ODAD2: variants seen among roughly 807,000 people sequenced by gnomAD.
ODAD2 encodes the protein outer dynein arm docking complex subunit 2.
Under a neutral mutation model 106.8 loss-of-function variants are expected in ODAD2, and 89 were observed. The observed-to-expected ratio is 0.83, with a 90% CI of 0.70 to 0.99. The LOEUF is 0.99. ODAD2 is among the 50% of genes least tolerant of loss of function. ODAD2 has a pLI of 0.00. For missense variants in ODAD2, 1,168 were observed against 1,238.5 expected (o/e 0.94, Z 0.85); for synonymous variants, 404 against 436.2 (o/e 0.93, Z 0.92).
In ODAD2 at chr10:27,961,607, T is replaced by C. The variant is rs147497080; in HGVS notation, c.1347A>G (p.Ser449=). 4.2e-5 allele frequency: 67 copies of C among 1,612,708 alleles called. No individual in the cohort carries two copies. In the African/African-American group the frequency reaches 7.5e-4, roughly 18 times the overall value. The part of the protein sequence containing the change: ...HRQEASADLP[S]EYWQIQKLVK... ...CCAGCTTCTGAATTTGCCAATATTC[T>C]GATGGCAAATCTGCACTTGCTTCCT... Residue 449 remains serine (S), a synonymous_variant, in exon 10 of 20, where the codon TCA becomes TCG. Coordinates refer to ENST00000305242, the MANE Select transcript of ODAD2 (RefSeq NM_018076.5).
chr10:27,939,875 C>T, intron 14 of ODAD2, 22 bp downstream of exon 14: 4 of 1,495,934 alleles, frequency 2.7e-6, no homozygotes, highest in Non-Finnish European at 3.6e-6. Context: ...ACGCCAACAA[C>T]CGCTGGGAGA....
At chr10:27,925,536 TTTG>T (rs1407542157) in intron 16 of ODAD2, among the ~76,000 whole-genome samples, 7 of 152,124 alleles carry the variant, frequency 4.6e-5, no homozygotes, top group Non-Finnish European at 1.0e-4. Flanking sequence ...TTTTAAAGTT[TTTG>T]TAGAGACAGG....
intron 10 of ODAD2, among the ~76,000 whole-genome samples, chr10:27,954,469 T>C (rs1048692657): frequency 3.4e-5 from 5 of 148,680 alleles, no homozygotes; most frequent in East Asian, 2.0e-4. Context: ...TGCTGGCTTA[T>C]AGCACACGTT....
intron 16 of ODAD2, among the ~76,000 whole-genome samples, chr10:27,930,315 C>T (rs1386603435): frequency 2.0e-5 from 3 of 151,982 alleles, no homozygotes; most frequent in Non-Finnish European, 4.4e-5. Context: ...AAGTTTGAGG[C>T]GGGAGGACTG....
rs1192808838 is a variant in ODAD2 at position 27,971,259 on chromosome 10, G to C, written c.991C>G (p.Pro331Ala). 29 of 1,613,190 alleles carry C rather than the reference G, an allele frequency of 1.8e-5. No homozygotes were observed. The highest frequency in any genetic ancestry group is 2.2e-5 in the South Asian group (2 of 90,994). Residue 331 changes from proline to alanine, a missense_variant, in exon 8 of 20, where the codon CCC becomes GCC. Coordinates refer to ENST00000305242, the MANE Select transcript of ODAD2 (RefSeq NM_018076.5). ...QKEKDQLGKA[P>A]KKEEAAALRK... ...AGGGCAGCTGCTTCTTCCTTCTTGG[G>C]GGCTTTGCCAAGCTGATCCTTTTCC...
intron 19 of ODAD2, among the ~76,000 whole-genome samples, chr10:27,818,734 C>T (rs1224447845): frequency 6.6e-6 from 1 of 152,240 alleles, no homozygotes; most frequent in East Asian, 1.9e-4. Context: ...CTCGCTTCTG[C>T]TCCAGTCCTT....
At position 27,954,476 on chromosome 10, in the gene ODAD2, C is replaced by T. The variant is rs189276448; in HGVS notation, c.1386+7092G>A. Among the ~76,000 whole-genome samples the T allele has an allele frequency of 3.1e-4, 43 of 140,640 alleles. 1 individual carries two copies. In the East Asian group the frequency reaches 3.2e-3, roughly 10 times the overall value. The allele number at this position is 140,640 out of a possible 152,430, so 92.3% of individuals were successfully genotyped here. ...TCTAGCTGTGCTGGCTTATAGCACA[C>T]GTTCATGAATAAACACGAGTGAATG... is the stretch of plus-strand genomic sequence containing the variant. On this transcript the variant is annotated intron_variant, in intron 10 of 19. Coordinates refer to ENST00000305242, the MANE Select transcript of ODAD2 (RefSeq NM_018076.5).
At chr10:27,816,205 TC>T (rs1432428400) in intron 19 of ODAD2, among the ~76,000 whole-genome samples, 1 of 152,200 alleles carries the variant, frequency 6.6e-6, no homozygotes, top group African/African-American at 2.4e-5. Context: ...CCCTGTCTTG[TC>T]CCTGTCTGAT....
chr10:27,820,227 C>T (rs1338784712), intron 19 of ODAD2, among the ~76,000 whole-genome samples: 4 of 152,088 alleles, frequency 2.6e-5, no homozygotes, highest in Non-Finnish European at 4.4e-5. Flanking sequence ...GCTGCTGCCA[C>T]CCTGTACGGC....
rs1718675824 is a variant in ODAD2 at position 27,940,691 on chromosome 10, T to A, written c.1858A>T (p.Lys620Ter). The change falls in exon 13 of 20, where the codon AAG becomes TAG. Residue 620 changes from lysine (K) to a stop codon, truncating the protein, a stop_gained. Transcript: ENST00000305242. LOFTEE classifies it high-confidence loss of function. ...ATGGCTTCTTTATTCGTATGACTCT[T>A]ACTGCAGCTCCACAGGGCCAGTGCC... is the stretch of plus-strand genomic sequence containing the variant. ...CGALALWSCSKSHTNKEAIRK... is the reference protein window; with the variant it reads ...CGALALWSCS 1 of 1,614,024 alleles carries A rather than the reference T, an allele frequency of 6.2e-7. No individual in the cohort carries two copies. Among genetic ancestry groups the A allele is most frequent in the African/African-American group, 1.3e-5 (1 of 74,926 alleles).
chr10:27,935,173 C>A lies in ODAD2; in HGVS notation c.2332G>T (p.Gly778Trp). ...QPEEVLVNVV[G>W]ALGECCQERE... ...TCTTGGCAGCATTCTCCCAAGGCCC[C>A]AACCACATTCACAAGTACTTCTTCA... Residue 778 changes from glycine to tryptophan, a missense_variant, in exon 16 of 20, where the codon GGG (glycine) becomes TGG (tryptophan). Physicochemically the swap from Gly to Trp is radical, Grantham distance 184 (BLOSUM62 -2). Coordinates refer to ENST00000305242, the MANE Select transcript of ODAD2 (RefSeq NM_018076.5). 2 of 1,614,012 alleles carry A rather than the reference C, an allele frequency of 1.2e-6. No individual in the cohort carries two copies. Among genetic ancestry groups the A allele is most frequent in the Non-Finnish European group, 1.7e-6 (2 of 1,179,896 alleles).
intron 16 of ODAD2, among the ~76,000 whole-genome samples, chr10:27,931,703 T>C (rs534082205): frequency 6.7e-6 from 1 of 150,252 alleles, no homozygotes; most frequent in Non-Finnish European, 1.5e-5. Context: ...ATTTAAAGAC[T>C]CATTTCAAAA....
chr10:27,949,499 G>A (rs1847177107), intron 10 of ODAD2, among the ~76,000 whole-genome samples: 1 of 152,144 alleles, frequency 6.6e-6, no homozygotes, highest in African/African-American at 2.4e-5. Flanking sequence ...AGAAGGAGGG[G>A]ATGTGATGAA....
intron 18 of ODAD2, among the ~76,000 whole-genome samples, chr10:27,861,127 G>T (rs1392678367): frequency 6.6e-6 from 1 of 152,130 alleles, no homozygotes; most frequent in Admixed American, 6.5e-5. Context: ...AAGTAGCTGA[G>T]ATTACAGGTG....
chr10:27,988,504 T>C (rs1194595451), intron 2 of ODAD2, among the ~76,000 whole-genome samples: 2 of 151,890 alleles, frequency 1.3e-5, no homozygotes, highest in Non-Finnish European at 1.5e-5. Flanking sequence ...GCCTCGCTAA[T>C]TTTTGTATTT....
chr10:27,929,880 T>C (rs1279245579), intron 16 of ODAD2, among the ~76,000 whole-genome samples: 1 of 152,128 alleles, frequency 6.6e-6, no homozygotes, highest in Non-Finnish European at 1.5e-5. Context: ...GTTGGTCTTT[T>C]TTATGTCAAT....
intron 17 of ODAD2, among the ~76,000 whole-genome samples, chr10:27,885,707 ATATATAT>A (rs1457243783): frequency 8.9e-4 from 43 of 48,084 alleles, no homozygotes; most frequent in African/African-American, 2.9e-3. Context: ...TATATATAAA[ATATATAT>A]TATATATTAT....
chr10:27,945,544 C>G (rs1846846162), intron 10 of ODAD2, among the ~76,000 whole-genome samples: 1 of 152,196 alleles, frequency 6.6e-6, no homozygotes, highest in East Asian at 1.9e-4. Context: ...CTGTGGTGAG[C>G]AAAATCCTGG....
At chr10:27,932,902 C>G (rs1223157448) in intron 16 of ODAD2, among the ~76,000 whole-genome samples, 2 of 152,090 alleles carry the variant, frequency 1.3e-5, no homozygotes, top group East Asian at 3.9e-4. Flanking sequence ...TGTTTGGTTA[C>G]CATTATAAAT....
Sources: allele counts gnomAD v4.1 joint callset (sites outside exome capture counted in the v4.1 genomes callset), GRCh38; gene constraint gnomAD v4.1.1; transcripts MANE v1.5; gene names NCBI Gene and HGNC (gene_info 2026-07-23, HGNC 2026-07-21).